Variants in SOX6 observed in about 807,000 individuals in gnomAD.
SOX6 encodes the protein transcription factor SOX-6.
Under a neutral mutation model 97.8 loss-of-function variants are expected in SOX6, and 11 were observed. That is an observed-to-expected ratio of 0.11 (90% CI 0.07 to 0.19). The LOEUF is 0.19. Ranked by LOEUF, SOX6 falls within the 10% of genes least tolerant of loss-of-function variation. SOX6 has a pLI of 1.00. For synonymous variants in SOX6, 360 were observed against 371.4 expected (o/e 0.97, Z 0.35); for missense variants, 810 against 1,039.5 (o/e 0.78, Z 3.04).
intron 4 of SOX6, among the ~76,000 whole-genome samples, chr11:16,568,533 A>G (rs1018290923): frequency 6.6e-6 from 1 of 152,168 alleles, no homozygotes; most frequent in South Asian, 2.1e-4. Context: ...TAACACTGTG[A>G]ATGTACTAAA....
intron 4 of SOX6, among the ~76,000 whole-genome samples, chr11:16,547,113 C>A (rs978288117): frequency 6.6e-6 from 1 of 152,042 alleles, no homozygotes; most frequent in African/African-American, 2.4e-5. Flanking sequence ...CAAAAAATAA[C>A]AGATGATGGT....
chr11:16,246,366 C>G (rs888581595), intron 3 of SOX6, among the ~76,000 whole-genome samples: 1 of 151,552 alleles, frequency 6.6e-6, no homozygotes, highest in African/African-American at 2.4e-5. Context: ...TTTTTAAAAT[C>G]TAAGTTTCCA....
intron 10 of SOX6, among the ~76,000 whole-genome samples, chr11:16,054,374 T>C (rs1463052421): frequency 6.6e-6 from 1 of 152,154 alleles, no homozygotes; most frequent in Non-Finnish European, 1.5e-5. Flanking sequence ...TCTGTTTCCA[T>C]AAGTGATTCT....
chr11:16,363,409 G>C (rs747481272), intron 1 of SOX6, among the ~76,000 whole-genome samples: 6 of 152,184 alleles, frequency 3.9e-5, no homozygotes, highest in Non-Finnish European at 5.9e-5. Flanking sequence ...TTTCAGAAGA[G>C]GGATGTTCAA....
intron 4 of SOX6, among the ~76,000 whole-genome samples, chr11:16,496,953 C>T (rs1860609519): frequency 1.3e-5 from 2 of 152,302 alleles, no homozygotes; most frequent in African/African-American, 4.8e-5. Context: ...CCCTGTCTGA[C>T]AGCTTTGAAG....
rs16933119 is a variant in SOX6, at chr11:16,447,141, A to G, written c.-5+29174T>C. 9.0e-3 allele frequency among the ~76,000 whole-genome samples: 1,367 copies of G among 152,162 alleles called. 21 individuals carry two copies. Among genetic ancestry groups the G allele is most frequent in the East Asian group, 0.038 (196 of 5,174 alleles). On this transcript the variant is annotated intron_variant, in intron 1 of 15. Coordinates refer to the SOX6 transcript ENST00000396356. ...TTATTAAAAATATGCAACAATCATC[A>G]TTAAAAGTCTGTTTTTATTTGCTTT...
At chr11:16,726,235 C>T (rs11024026) in intron 2 of SOX6, among the ~76,000 whole-genome samples, 47,277 of 152,064 alleles carry the variant, frequency 0.31, 8,816 homozygotes, top group Non-Finnish European at 0.42. Context: ...ATGGTGAAAC[C>T]CCATCTGTAC....
chr11:16,035,437 T>C (rs1362108624), intron 12 of SOX6, among the ~76,000 whole-genome samples: 1 of 152,226 alleles, frequency 6.6e-6, no homozygotes. Context: ...TGAAATGCTT[T>C]GCAAACAATT....
chr11:16,522,937 T>A (rs1861092338), intron 4 of SOX6, among the ~76,000 whole-genome samples: 1 of 152,202 alleles, frequency 6.6e-6, no homozygotes, highest in Non-Finnish European at 1.5e-5. Flanking sequence ...CTAACTATCC[T>A]AAATATACAT....
intron 4 of SOX6, among the ~76,000 whole-genome samples, chr11:16,500,358 T>G (rs192486149): frequency 4.6e-5 from 7 of 152,304 alleles, no homozygotes; most frequent in Non-Finnish European, 1.0e-4. Flanking sequence ...AATATCATAG[T>G]GAATAGGCAA....
At chr11:16,253,009 C>A (rs6486284) in intron 3 of SOX6, among the ~76,000 whole-genome samples, 118,955 of 152,052 alleles carry the variant, frequency 0.78, 46,671 homozygotes, top group Non-Finnish European at 0.8. Flanking sequence ...GTCTGCCTTT[C>A]AACAAAAAAT....
intron 3 of SOX6, among the ~76,000 whole-genome samples, chr11:16,704,111 T>C (rs1276226520): frequency 6.6e-6 from 1 of 152,230 alleles, no homozygotes; most frequent in African/African-American, 2.4e-5. Flanking sequence ...ATGCTTCCTT[T>C]TTATTAAATA....
chr11:16,501,948 C>T (rs1045667780), intron 4 of SOX6, among the ~76,000 whole-genome samples: 9 of 152,242 alleles, frequency 5.9e-5, no homozygotes, highest in African/African-American at 2.2e-4. Context: ...TTGACCCAGC[C>T]ATCCCGTTAC....
chr11:16,242,668 G>C (rs1853229831), intron 3 of SOX6, among the ~76,000 whole-genome samples: 1 of 150,760 alleles, frequency 6.6e-6, no homozygotes, highest in Non-Finnish European at 1.5e-5. Context: ...TTTCCTCTGA[G>C]ATCAGCAGTC....
chr11:16,532,070 C>T (rs777232763), intron 4 of SOX6, among the ~76,000 whole-genome samples: 15 of 151,718 alleles, frequency 9.9e-5, no homozygotes, highest in Non-Finnish European at 1.9e-4. Context: ...ACTTCCTATG[C>T]CATTTTCTTC....
chr11:16,111,895 A>G lies in SOX6; in HGVS notation c.806T>C (p.Ile269Thr). The G allele has an allele frequency of 6.2e-7, 1 of 1,612,494 alleles. No individual in the cohort carries two copies. The highest frequency in any genetic ancestry group is 2.2e-5 in the East Asian group (1 of 44,860). ...CCGCTGGTCATGTGGAAAAATTGGG[A>G]TCATGAGCGGAGGCATGTGACCCTG... ...QVQGHMPPLM[I>T]PIFPHDQRTL... Residue 269 changes from isoleucine to threonine, a missense_variant, in exon 7 of 16, where the codon ATC becomes ACC. Physicochemically the swap from Ile to Thr is moderately conservative, Grantham distance 89. Transcript: ENST00000683767.
intron 1 of SOX6, among the ~76,000 whole-genome samples, chr11:16,378,503 A>G (rs1232717813): frequency 6.6e-6 from 1 of 152,152 alleles, no homozygotes; most frequent in Non-Finnish European, 1.5e-5. Flanking sequence ...GCTAAAAAAT[A>G]GACCCAAATA....
At chr11:16,468,033 A>G (rs1483874642) in intron 1 of SOX6, among the ~76,000 whole-genome samples, 1 of 152,226 alleles carries the variant, frequency 6.6e-6, no homozygotes, top group Non-Finnish European at 1.5e-5. Flanking sequence ...GTTAGAAACA[A>G]GTTCAGAAAG....
intron 4 of SOX6, among the ~76,000 whole-genome samples, chr11:16,203,875 T>C (rs963436207): frequency 1.3e-5 from 2 of 152,084 alleles, no homozygotes; most frequent in African/African-American, 4.8e-5. Context: ...ATTGCAACTC[T>C]ACCAAGATAA....
Sources: gnomAD v4.1 joint callset for allele counts (sites outside exome capture counted in the v4.1 genomes callset) on GRCh38, gnomAD v4.1.1 for gene constraint, MANE v1.5 for transcripts, NCBI Gene and HGNC (gene_info 2026-07-23, HGNC 2026-07-21) for gene names.